CERS6: variants seen among roughly 807,000 people sequenced by gnomAD.
CERS6 encodes the protein LAG1 homolog, ceramide synthase 6.
Under a neutral mutation model 56.8 loss-of-function variants are expected in CERS6, and 26 were observed. The observed-to-expected ratio is 0.46, with a 90% CI of 0.34 to 0.63. The LOEUF (loss-of-function observed/expected upper bound fraction) is 0.63. Ranked by LOEUF, CERS6 falls within the 30% of genes least tolerant of loss-of-function variation. The pLI is 0.01. For missense variants in CERS6, 415 were observed against 467.5 expected, an observed-to-expected ratio of 0.89 and a Z score of 1.04; for synonymous variants, 164 against 173.3, an observed-to-expected ratio of 0.95 and a Z score of 0.42.
At chr2:168,652,181 G>A (rs997709463) in intron 4 of CERS6, among the ~76,000 whole-genome samples, 2 of 151,894 alleles carry the variant, frequency 1.3e-5, no homozygotes, top group African/African-American at 2.4e-5. Context: ...TTAGTTCAAC[G>A]AAATCAGTCA....
At chr2:168,663,833 TTTTG>T (rs1172761026) in intron 4 of CERS6, among the ~76,000 whole-genome samples, 7 of 152,182 alleles carry the variant, frequency 4.6e-5, no homozygotes, top group Admixed American at 1.3e-4. Context: ...ATGGGTGATT[TTTTG>T]TTTGTTTGTT....
At chr2:168,615,795 T>C (rs1179759853) in intron 3 of CERS6, among the ~76,000 whole-genome samples, 1 of 152,194 alleles carries the variant, frequency 6.6e-6, no homozygotes, top group Non-Finnish European at 1.5e-5. Flanking sequence ...GAAAACATAT[T>C]GGGGAGAATA....
intron 4 of CERS6, among the ~76,000 whole-genome samples, chr2:168,667,321 G>A (rs1443468728): frequency 6.6e-6 from 1 of 152,170 alleles, no homozygotes; most frequent in Non-Finnish European, 1.5e-5. Context: ...CTGTTTTATA[G>A]GTAAAGTGGC....
intron 8 of CERS6, among the ~76,000 whole-genome samples, chr2:168,724,881 C>G (rs1222564488): frequency 2.6e-5 from 4 of 152,366 alleles, no homozygotes; most frequent in East Asian, 1.9e-4. Context: ...GCCTGCCAGT[C>G]CAGCGCCGTG....
intron 4 of CERS6, among the ~76,000 whole-genome samples, chr2:168,671,621 T>TA (rs998697681): frequency 6.6e-6 from 1 of 152,206 alleles, no homozygotes; most frequent in African/African-American, 2.4e-5. Flanking sequence ...TATCTTTGGT[T>TA]AAAATTTGTT....
Position 168,644,469 on chromosome 2 carries a change from TGAC to T in CERS6, c.465+13428_465+13430del, listed in dbSNP as rs146157474. On this transcript the variant is annotated intron_variant, in intron 4 of 9. Coordinates refer to ENST00000305747, the MANE Select transcript of CERS6 (RefSeq NM_203463.3). ...GTTTAGTAGGGAAAGCATAAAGAAATGACAGATGATTGAGCTGGAGAAAGGAAA... is the reference window on the plus strand; with the variant it reads ...GTTTAGTAGGGAAAGCATAAAGAAATAGATGATTGAGCTGGAGAAAGGAAA... 2.4e-3 allele frequency: 1,235 copies of T among 511,412 alleles called. 12 individuals are homozygous for T. The highest frequency in any genetic ancestry group is 0.021 in the African/African-American group (1,012 of 47,076). The allele number at this position is 511,412 out of a possible 1,614,324, so 31.7% of individuals were successfully genotyped here.
chr2:168,704,710 G>A (rs529803635), intron 6 of CERS6, among the ~76,000 whole-genome samples: 2 of 152,194 alleles, frequency 1.3e-5, no homozygotes, highest in Non-Finnish European at 2.9e-5. Context: ...GGGTTCAAGC[G>A]ATTCTCCTGC....
At chr2:168,548,147 C>T (rs1378646919) in intron 2 of CERS6, among the ~76,000 whole-genome samples, 2 of 151,956 alleles carry the variant, frequency 1.3e-5, no homozygotes, top group Non-Finnish European at 2.9e-5. Flanking sequence ...CAAATGTAAA[C>T]AAAAACAACA....
intron 1 of CERS6, among the ~76,000 whole-genome samples, chr2:168,516,066 C>T (rs1158472370): frequency 4.6e-5 from 7 of 152,194 alleles, no homozygotes. Flanking sequence ...ATTTTCAATA[C>T]TTTAGTCTCC....
intron 3 of CERS6, among the ~76,000 whole-genome samples, chr2:168,566,011 A>G (rs937473525): frequency 2.0e-5 from 3 of 152,226 alleles, no homozygotes; most frequent in African/African-American, 7.2e-5. Flanking sequence ...TCAGGATAAT[A>G]TAAAATAAAT....
At chr2:168,637,492 A>G (rs1275688353) in intron 4 of CERS6, among the ~76,000 whole-genome samples, 1 of 152,172 alleles carries the variant, frequency 6.6e-6, no homozygotes, top group African/African-American at 2.4e-5. Context: ...AAAAAAAAAG[A>G]AAAAATTACA....
chr2:168,631,813 T>TA (rs1574114325), intron 4 of CERS6, among the ~76,000 whole-genome samples: 2 of 123,872 alleles, frequency 1.6e-5, no homozygotes, highest in African/African-American at 3.0e-5. Flanking sequence ...ATTATATAAT[T>TA]TATTATATAT....
chr2:168,498,394 A>G lies in CERS6; in HGVS notation c.170+41776A>G, dbSNP rs576707643. Among the ~76,000 whole-genome samples, 3 of 152,282 alleles carry G rather than the reference A, an allele frequency of 2.0e-5. No homozygotes were observed. The East Asian group carries it at 5.8e-4, about 29-fold the overall frequency. ...TTTATTTCTAAAAGAGGGTACCACAACCTGCAGGCAGGAAGCAGAGCCTCT... is the reference window on the plus strand; with the variant it reads ...TTTATTTCTAAAAGAGGGTACCACAGCCTGCAGGCAGGAAGCAGAGCCTCT... On this transcript the variant is annotated intron_variant, in intron 1 of 9. Transcript: ENST00000305747.
chr2:168,704,769 G>A (rs1686895804), intron 6 of CERS6, among the ~76,000 whole-genome samples: 1 of 152,110 alleles, frequency 6.6e-6, no homozygotes, highest in African/African-American at 2.4e-5. Context: ...ACCACACCCG[G>A]CTAATTTTTA....
In CERS6 at chr2:168,696,259, T is replaced by C. The variant is rs148376797; in HGVS notation, c.609+1208T>C. Among the ~76,000 whole-genome samples the C allele has an allele frequency of 7.1e-3, 1,088 of 152,338 alleles. 5 individuals carry two copies. Among genetic ancestry groups the C allele is most frequent in the Non-Finnish European group, 0.011 (739 of 68,028 alleles). On this transcript the variant is annotated intron_variant, in intron 6 of 9. Coordinates refer to ENST00000305747, the MANE Select transcript of CERS6 (RefSeq NM_203463.3). ...GACTGAAGACATGGTCTTCTAGTCTTGTTCTTCTCCAGTAACCCTTAGAAC... is the reference window on the plus strand; with the variant it reads ...GACTGAAGACATGGTCTTCTAGTCTCGTTCTTCTCCAGTAACCCTTAGAAC...
chr2:168,724,178 G>A (rs1397106680), intron 8 of CERS6, among the ~76,000 whole-genome samples: 1 of 152,070 alleles, frequency 6.6e-6, no homozygotes, highest in Non-Finnish European at 1.5e-5. Flanking sequence ...GCTGGCTCAG[G>A]AGTGAAGCTG....
At chr2:168,733,760 A>C (rs927256743) in intron 8 of CERS6, among the ~76,000 whole-genome samples, 2 of 152,214 alleles carry the variant, frequency 1.3e-5, no homozygotes, top group African/African-American at 4.8e-5. Flanking sequence ...GTAGAGGAGC[A>C]GGTAAAGGTT....
chr2:168,564,735 C>T (rs1457450010), intron 3 of CERS6, among the ~76,000 whole-genome samples: 2 of 152,196 alleles, frequency 1.3e-5, no homozygotes, highest in South Asian at 4.1e-4. Flanking sequence ...CCCAGGCCCT[C>T]TCTGAAGTGT....
At chr2:168,465,312 C>A (rs1693851281) in intron 1 of CERS6, among the ~76,000 whole-genome samples, 1 of 152,098 alleles carries the variant, frequency 6.6e-6, no homozygotes. Context: ...TGGTTAGGGC[C>A]CACTTTCTGG....
Sources: gnomAD v4.1 joint callset for allele counts (sites outside exome capture counted in the v4.1 genomes callset) on GRCh38, gnomAD v4.1.1 for gene constraint, MANE v1.5 for transcripts, NCBI Gene and HGNC (gene_info 2026-07-23, HGNC 2026-07-21) for gene names.